LARGE1: variants seen among roughly 807,000 people sequenced by gnomAD.
LARGE1 encodes LARGE xylosyl- and glucuronyltransferase 1.
A neutral mutation model predicts 87.6 loss-of-function variants in LARGE1; 43 were observed. That is an observed-to-expected ratio of 0.49 (90% CI 0.38 to 0.63). LARGE1 has a LOEUF of 0.63. LARGE1 is among the 30% of genes least tolerant of loss of function. The pLI, the probability that LARGE1 is intolerant of heterozygous loss-of-function variation, is 0.00. For missense variants in LARGE1, 802 were observed against 1,000.2 expected, an observed-to-expected ratio of 0.80 and a Z score of 2.67; for synonymous variants, 434 against 394.6, an observed-to-expected ratio of 1.10 and a Z score of -1.18.
chr22:33,909,412 T>A (rs530884369), intron 1 of LARGE1, among the ~76,000 whole-genome samples: 3 of 152,060 alleles, frequency 2.0e-5, no homozygotes, highest in African/African-American at 7.2e-5. Context: ...CCAGGCACGA[T>A]GCAGGTGCAC....
At chr22:33,175,511 G>C (rs1922816448) in intron 11 of LARGE1, among the ~76,000 whole-genome samples, 1 of 151,854 alleles carries the variant, frequency 6.6e-6, no homozygotes, top group South Asian at 2.1e-4. Context: ...TACACCAATA[G>C]CAGACAAGCA....
intron 6 of LARGE1, among the ~76,000 whole-genome samples, chr22:33,541,428 G>A (rs1272462611): frequency 2.0e-5 from 3 of 152,102 alleles, no homozygotes; most frequent in Admixed American, 1.3e-4. Flanking sequence ...TATATGCACA[G>A]AAAAGCATCT....
At chr22:33,757,249 T>C (rs1601540778) in intron 2 of LARGE1, among the ~76,000 whole-genome samples, 1 of 152,176 alleles carries the variant, frequency 6.6e-6, no homozygotes, top group Admixed American at 6.5e-5. Flanking sequence ...CATTTATGCA[T>C]TGATCCTGCT....
chr22:33,719,497 A>ATT (rs371661414), intron 2 of LARGE1, among the ~76,000 whole-genome samples: 4,960 of 145,188 alleles, frequency 0.034, 189 homozygotes, highest in East Asian at 0.22. Flanking sequence ...CATCTATACC[A>ATT]TATTTATTTA....
Position 33,396,600 on chromosome 22 carries a change from G to A in LARGE1, c.893-12296C>T, listed in dbSNP as rs551582402. ...CTCAAGTGTGAATGGAATGGGGTGT[G>A]GTCATTCACTCACTCATTCATTCAA... On this transcript the variant is annotated intron_variant, in intron 7 of 14. Coordinates refer to ENST00000397394, the MANE Select transcript of LARGE1 (RefSeq NM_133642.5). Among the ~76,000 whole-genome samples the A allele has an allele frequency of 1.8e-3, 277 of 152,152 alleles. 2 individuals are homozygous for A. The highest frequency in any genetic ancestry group is 6.4e-3 in the African/African-American group (266 of 41,504).
chr22:33,882,055 T>G lies in LARGE1; in HGVS notation c.-83+37940A>C, dbSNP rs1457492086. Among the ~76,000 whole-genome samples the G allele has an allele frequency of 4.6e-5, 7 of 150,992 alleles. 1 individual carries two copies. In the South Asian group the frequency reaches 8.4e-4, roughly 18 times the overall value. On this transcript the variant is annotated intron_variant, in intron 1 of 14. Coordinates refer to ENST00000397394, the MANE Select transcript of LARGE1 (RefSeq NM_133642.5). ...TTTTTGTTTTTTTTTGTTTTTTTTTTTTTTTGAGACGGAGTCTCGCTCTGT... is the reference window on the plus strand; with the variant it reads ...TTTTTGTTTTTTTTTGTTTTTTTTTGTTTTTGAGACGGAGTCTCGCTCTGT...
At chr22:33,552,346 C>T (rs1046610109) in intron 6 of LARGE1, among the ~76,000 whole-genome samples, 2 of 152,106 alleles carry the variant, frequency 1.3e-5, no homozygotes, top group African/African-American at 2.4e-5. Flanking sequence ...TCTCCTTGCC[C>T]CCAACCTATA....
chr22:33,217,109 C>A (rs1925242801), intron 11 of LARGE1, among the ~76,000 whole-genome samples: 1 of 151,894 alleles, frequency 6.6e-6, no homozygotes, highest in Non-Finnish European at 1.5e-5. Flanking sequence ...CTTTTCTATG[C>A]AAATGAAGCT....
At chr22:33,770,985 T>C (rs2085051559) in intron 1 of LARGE1, among the ~76,000 whole-genome samples, 1 of 152,092 alleles carries the variant, frequency 6.6e-6, no homozygotes, top group Non-Finnish European at 1.5e-5. Context: ...TTCTAGGCCT[T>C]GTCATCACCC....
the LARGE1 span, among the ~76,000 whole-genome samples, chr22:33,085,955 A>G: frequency 2.6e-5 from 4 of 152,210 alleles, no homozygotes. Flanking sequence ...ACACTAGCAA[A>G]TATCACAAGA....
At chr22:33,423,861 T>C (rs994968667) in intron 7 of LARGE1, among the ~76,000 whole-genome samples, 1 of 152,052 alleles carries the variant, frequency 6.6e-6, no homozygotes, top group Non-Finnish European at 1.5e-5. Flanking sequence ...TGAAATCTAA[T>C]AAAATGATGA....
chr22:33,614,623 A>G (rs2079530663), intron 4 of LARGE1, among the ~76,000 whole-genome samples: 1 of 152,104 alleles, frequency 6.6e-6, no homozygotes, highest in African/African-American at 2.4e-5. Flanking sequence ...CTGCAGGAAT[A>G]AAGTCAACAG....
At chr22:33,415,278 A>G (rs1001448464) in intron 7 of LARGE1, among the ~76,000 whole-genome samples, 11 of 152,242 alleles carry the variant, frequency 7.2e-5, no homozygotes, top group African/African-American at 2.7e-4. Flanking sequence ...TGTAATTAGC[A>G]AAGAGAGAGG....
At position 33,856,751 on chromosome 22, in the gene LARGE1, C is replaced by G. The variant is rs549162707; in HGVS notation, c.-83+63244G>C. ...GCTACACATCTTACCTGGCTCACGACAGGTGCTTTACAAACGGCTGATGCA... is the reference window on the plus strand; with the variant it reads ...GCTACACATCTTACCTGGCTCACGAGAGGTGCTTTACAAACGGCTGATGCA... On this transcript the variant is annotated intron_variant, in intron 1 of 14. Transcript: ENST00000397394. 3.9e-5 allele frequency: 6 copies of G among 152,294 alleles called. No homozygotes were observed. In the East Asian group the frequency reaches 1.2e-3, roughly 29 times the overall value. 9.4% of individuals were successfully genotyped at this position (152,294 alleles called of 1,614,324 possible). A position where few individuals can be genotyped will look rare whatever the true frequency, so the allele number is the denominator to read the frequency against.
intron 11 of LARGE1, among the ~76,000 whole-genome samples, chr22:33,305,119 C>T (rs1338453165): frequency 6.6e-6 from 1 of 151,904 alleles, no homozygotes; most frequent in African/African-American, 2.4e-5. Context: ...CACTTAGAGG[C>T]CAGACATGTG....
intron 3 of LARGE1, among the ~76,000 whole-genome samples, chr22:33,642,601 G>C (rs1011453276): frequency 4.7e-5 from 7 of 149,872 alleles, no homozygotes; most frequent in South Asian, 4.3e-4. Flanking sequence ...AAATTGGATA[G>C]AGTCAAGACC....
At chr22:33,436,466 C>T (rs568918843) in intron 6 of LARGE1, 1 of 153,536 alleles carries the variant, frequency 6.5e-6, no homozygotes, top group Non-Finnish European at 1.5e-5. Flanking sequence ...TTGCTAAAAG[C>T]ACAGGCTCCT....
chr22:33,308,533 C>T (rs537595496), intron 11 of LARGE1, among the ~76,000 whole-genome samples: 26 of 152,170 alleles, frequency 1.7e-4, no homozygotes, highest in Non-Finnish European at 3.5e-4. Context: ...CTATCCATAC[C>T]CTCTGGAAAT....
chr22:33,890,379 G>T (rs1238910329), intron 1 of LARGE1, among the ~76,000 whole-genome samples: 1 of 151,576 alleles, frequency 6.6e-6, no homozygotes, highest in Non-Finnish European at 1.5e-5. Flanking sequence ...CACAGTAGTT[G>T]GTGCTTAAAA....
Sources: gnomAD v4.1 joint callset for allele counts (sites outside exome capture counted in the v4.1 genomes callset) on GRCh38, gnomAD v4.1.1 for gene constraint, MANE v1.5 for transcripts, NCBI Gene and HGNC (gene_info 2026-07-23, HGNC 2026-07-21) for gene names.